The following KCNN2 variants were observed in gnomAD, a reference collection of about 807,000 sequenced individuals.
The protein encoded by KCNN2 is small conductance calcium-activated potassium channel protein 2.
KCNN2 carries 24 observed loss-of-function variants against 55.5 expected under a neutral mutation model. The observed-to-expected ratio is 0.43, with a 90% CI of 0.31 to 0.61. The LOEUF (loss-of-function observed/expected upper bound fraction) is 0.61. Ranked by LOEUF, KCNN2 falls within the 20% of genes least tolerant of loss-of-function variation. The pLI is 0.08. For synonymous variants in KCNN2, 431 were observed against 336.1 expected, an observed-to-expected ratio of 1.28 and a Z score of -3.09; for missense variants, 754 against 853.6, an observed-to-expected ratio of 0.88 and a Z score of 1.45.
intron 2 of KCNN2, among the ~76,000 whole-genome samples, chr5:114,299,007 T>C (rs1387097624): frequency 2.0e-5 from 3 of 152,198 alleles, no homozygotes; most frequent in Non-Finnish European, 2.9e-5. Flanking sequence ...TTATTAGTAA[T>C]TAACCCAGTA....
intron 1 of KCNN2, among the ~76,000 whole-genome samples, chr5:114,134,610 G>C (rs1341690232): frequency 6.6e-6 from 1 of 151,838 alleles, no homozygotes; most frequent in Non-Finnish European, 1.5e-5. Flanking sequence ...CGAATAGCTG[G>C]GATTACAGGC....
intron 1 of KCNN2, among the ~76,000 whole-genome samples, chr5:114,160,777 T>C (rs1487849392): frequency 1.3e-5 from 2 of 149,962 alleles, no homozygotes; most frequent in Non-Finnish European, 2.9e-5. Flanking sequence ...TTTGTCTCTT[T>C]TGATCTTTGT....
chr5:114,333,426 T>G (rs540748964), intron 2 of KCNN2, among the ~76,000 whole-genome samples: 9 of 152,228 alleles, frequency 5.9e-5, no homozygotes, highest in Non-Finnish European at 1.3e-4. Flanking sequence ...TTGTAAAAGT[T>G]ACAAACAGAC....
At chr5:114,416,389 C>T (rs1759305647) in intron 3 of KCNN2, among the ~76,000 whole-genome samples, 2 of 152,056 alleles carry the variant, frequency 1.3e-5, no homozygotes, top group Admixed American at 1.3e-4. Flanking sequence ...AAAAACCAAG[C>T]TCCTCCGTCC....
At chr5:114,479,022 T>C (rs2150129853) in intron 5 of KCNN2, among the ~76,000 whole-genome samples, 1 of 151,412 alleles carries the variant, frequency 6.6e-6, no homozygotes, top group South Asian at 2.1e-4. Flanking sequence ...AGCATCATGA[T>C]GACAGGATCA....
chr5:114,419,858 T>C (rs924709336), intron 3 of KCNN2, among the ~76,000 whole-genome samples: 5 of 152,114 alleles, frequency 3.3e-5, no homozygotes, highest in African/African-American at 1.2e-4. Context: ...ATTAGCCAGA[T>C]GTGGTGGCAT....
At chr5:114,166,096 T>C (rs1036247756) in intron 1 of KCNN2, among the ~76,000 whole-genome samples, 2 of 152,022 alleles carry the variant, frequency 1.3e-5, no homozygotes, top group Non-Finnish European at 2.9e-5. Context: ...TTCACCGTGT[T>C]AGTTAGGATG....
chr5:114,232,415 A>G (rs1754380857), intron 2 of KCNN2, among the ~76,000 whole-genome samples: 1 of 151,140 alleles, frequency 6.6e-6, no homozygotes, highest in Non-Finnish European at 1.5e-5. Flanking sequence ...AATAAAAACT[A>G]AATAATCACT....
chr5:114,145,475 C>A (rs1752378759), intron 1 of KCNN2, among the ~76,000 whole-genome samples: 1 of 152,138 alleles, frequency 6.6e-6, no homozygotes, highest in Admixed American at 6.5e-5. Flanking sequence ...AATGAGAGCC[C>A]TGATACCAAG....
chr5:114,167,387 C>T (rs554049504), intron 1 of KCNN2, among the ~76,000 whole-genome samples: 17 of 152,082 alleles, frequency 1.1e-4, no homozygotes, highest in Non-Finnish European at 1.9e-4. Flanking sequence ...CTTCTCTCTC[C>T]TCACTTGGAG....
chr5:114,277,713 T>C (rs572618823), intron 2 of KCNN2, among the ~76,000 whole-genome samples: 91 of 152,282 alleles, frequency 6.0e-4, no homozygotes, highest in Middle Eastern at 3.4e-3. Context: ...TTCTCTACAC[T>C]GTTTATTCTA....
chr5:114,470,082 A>ATGTC (rs1761650861), intron 4 of KCNN2, among the ~76,000 whole-genome samples: 1 of 152,174 alleles, frequency 6.6e-6, no homozygotes, highest in Non-Finnish European at 1.5e-5. Flanking sequence ...TTTTTAATGC[A>ATGTC]TGTCTTAGAT....
At chr5:114,231,634 T>C (rs1236764708) in intron 2 of KCNN2, among the ~76,000 whole-genome samples, 2 of 151,256 alleles carry the variant, frequency 1.3e-5, no homozygotes, top group African/African-American at 2.5e-5. Context: ...CATTTACTTA[T>C]CTTTTACTTC....
chr5:114,267,996 G>A (rs555873406), intron 2 of KCNN2, among the ~76,000 whole-genome samples: 1 of 152,134 alleles, frequency 6.6e-6, no homozygotes, highest in South Asian at 2.1e-4. Context: ...TCCCTCCCTG[G>A]CCGTGCCAAA....
At chr5:114,156,813 T>C (rs1228342087) in intron 1 of KCNN2, among the ~76,000 whole-genome samples, 1 of 152,068 alleles carries the variant, frequency 6.6e-6, no homozygotes, top group Admixed American at 6.6e-5. Flanking sequence ...TGATTTGAAA[T>C]TAACAAAGGA....
chr5:114,122,432 A>G (rs1162649236), intron 1 of KCNN2, among the ~76,000 whole-genome samples: 1 of 152,126 alleles, frequency 6.6e-6, no homozygotes, highest in East Asian at 1.9e-4. Flanking sequence ...ACCAATATAT[A>G]TCTCTTTTCT....
intron 2 of KCNN2, among the ~76,000 whole-genome samples, chr5:114,323,152 C>T (rs780281444): frequency 6.6e-5 from 10 of 152,166 alleles, no homozygotes; most frequent in Admixed American, 2.0e-4. Flanking sequence ...AGAGGAACCC[C>T]GGTTTACATT....
intron 2 of KCNN2, among the ~76,000 whole-genome samples, chr5:114,390,483 T>C (rs1188335413): frequency 6.6e-6 from 1 of 152,162 alleles, no homozygotes; most frequent in African/African-American, 2.4e-5. Context: ...TTACATTTAT[T>C]GGAGGCCAGA....
chr5:114,476,849 G>A (rs1286387297), intron 5 of KCNN2, among the ~76,000 whole-genome samples: 1 of 152,080 alleles, frequency 6.6e-6, no homozygotes, highest in Non-Finnish European at 1.5e-5. Context: ...ACAAGGTATA[G>A]GCAAATAATA....
Sources: gnomAD v4.1 joint callset for allele counts (sites outside exome capture counted in the v4.1 genomes callset) on GRCh38, gnomAD v4.1.1 for gene constraint, MANE v1.5 for transcripts, NCBI Gene and HGNC (gene_info 2026-07-23, HGNC 2026-07-21) for gene names.